The following LRRC27 variants were observed in gnomAD, a reference collection of about 807,000 sequenced individuals.
LRRC27 encodes the protein leucine rich repeat containing 27, also known as leucine-rich repeat-containing protein 27.
A neutral mutation model predicts 55.0 loss-of-function variants in LRRC27; 57 were observed. That is an observed-to-expected ratio of 1.04 (90% CI 0.84 to 1.29). The LOEUF is 1.29. LRRC27 is among the 50% of genes most tolerant of loss of function. The pLI is 0.00. For missense variants in LRRC27, 721 were observed against 651.5 expected (o/e 1.11, Z -1.16); for synonymous variants, 278 against 251.9 (o/e 1.10, Z -0.98).
In LRRC27 at chr10:132,337,695, A is replaced by G. The variant is rs1233112531; in HGVS notation, c.341A>G (p.Gln114Arg). The change falls in exon 3 of 11, where the codon CAG becomes CGG. Residue 114 changes from glutamine to arginine, a missense_variant and splice_region_variant. By Grantham distance (43) the Gln-to-Arg change is conservative. Coordinates refer to ENST00000368614, the MANE Select transcript of LRRC27 (RefSeq NM_030626.3). The part of the protein sequence containing the change: ...KALPSGIGAH[Q>R]HLKTLLLERN... ...CTTCCTTCTGGGATTGGAGCTCACC[A>G]GTAAGTTGTTTATGTTTCCAGATTT... 6.2e-7 allele frequency: 1 copy of G among 1,613,256 alleles called. No individual in the cohort carries two copies. The highest frequency in any genetic ancestry group is 8.5e-7 in the Non-Finnish European group (1 of 1,179,658).
chr10:132,373,287 G>A (rs565856449), intron 10 of LRRC27, among the ~76,000 whole-genome samples: 5 of 152,308 alleles, frequency 3.3e-5, no homozygotes, highest in Admixed American at 2.0e-4. Flanking sequence ...CGAAGCATCC[G>A]GCAGGTTCCG....
chr10:132,343,736 C>G (rs1440567521), intron 4 of LRRC27, among the ~76,000 whole-genome samples: 1 of 152,194 alleles, frequency 6.6e-6, no homozygotes, highest in African/African-American at 2.4e-5. Flanking sequence ...GGTGGGACAC[C>G]CAAATACCCA....
intron 2 of LRRC27, among the ~76,000 whole-genome samples, chr10:132,335,404 C>T (rs74161781): frequency 0.012 from 1,741 of 151,182 alleles, 32 homozygotes; most frequent in African/African-American, 0.04. Flanking sequence ...TCCTGGACTT[C>T]GCCTATTGGT....
chr10:132,344,670 T>C lies in LRRC27; in HGVS notation c.553+20T>C, dbSNP rs1037463102. ...CTCAAGGTTTGTAGGAGGTGATTTA[T>C]GACAAATCACATTAACGTTGAAGTT... On this transcript the variant is annotated intron_variant, in intron 5 of 10. Transcript: ENST00000368614. 22 of 1,609,276 alleles carry C rather than the reference T, an allele frequency of 1.4e-5. No homozygotes were observed. The highest frequency in any genetic ancestry group is 1.7e-5 in the Admixed American group (1 of 59,860).
chr10:132,364,515 A>C (rs1269214351), intron 9 of LRRC27, among the ~76,000 whole-genome samples: 3 of 78,248 alleles, frequency 3.8e-5, no homozygotes, highest in Admixed American at 1.4e-4. Context: ...CTACCTCCAC[A>C]CTCGCACTTA....
At position 132,361,453 on chromosome 10, in the gene LRRC27, C is replaced by A; in HGVS notation, c.1171-4C>A. 1.9e-6 allele frequency: 3 copies of A among 1,600,708 alleles called. No homozygotes were observed. The highest frequency in any genetic ancestry group is 2.6e-6 in the Non-Finnish European group (3 of 1,167,970). ...CCAGAAATCATCTTGTTGCATTTTC[C>A]TAGGTGGCATCAAAGATTCCCTCTG... On this transcript the variant is annotated splice_region_variant and splice_polypyrimidine_tract_variant and intron_variant, in intron 8 of 10. Transcript: ENST00000368614.
chr10:132,330,596 A>C, upstream of LRRC27: 2 of 698,456 alleles, frequency 2.9e-6, no homozygotes, highest in East Asian at 2.7e-5. Context: ...CAGCCTCAAA[A>C]TCCTAGGTTC....
At position 132,333,572 on chromosome 10, in the gene LRRC27, T is replaced by C; in HGVS notation, c.48T>C (p.Asp16=). ...SYEVPSVAAA[D]LEEGAGQTRS... is the part of the protein sequence containing the mutation. The stretch of plus-strand genomic sequence containing the variant: ...AAGTTCCCTCTGTGGCTGCTGCTGA[T>C]CTGGAGGAGGGTGCTGGTCAGACTA... The change falls in exon 2 of 11, where the codon GAT becomes GAC. Residue 16 remains aspartate, a synonymous_variant. Transcript: ENST00000368614. 4 of 1,611,270 alleles carry C rather than the reference T, an allele frequency of 2.5e-6. No individual in the cohort carries two copies.
intron 8 of LRRC27, among the ~76,000 whole-genome samples, chr10:132,360,919 G>A (rs978572192): frequency 6.6e-6 from 1 of 152,194 alleles, no homozygotes. Flanking sequence ...AGGGGTCAGC[G>A]TGGCTCTCAC....
In LRRC27 at chr10:132,352,008, G is replaced by A. The variant is rs550626686; in HGVS notation, c.1073+255G>A. Among the ~76,000 whole-genome samples, 81 of 121,488 alleles carry A rather than the reference G, an allele frequency of 6.7e-4. 1 individual carries two copies. The highest frequency in any genetic ancestry group is 1.1e-3 in the Non-Finnish European group (67 of 59,540). 79.7% of individuals were successfully genotyped at this position (121,488 alleles called of 152,430 possible). A position where few individuals can be genotyped will look rare whatever the true frequency, so the allele number is the denominator to read the frequency against. ...GGGGCAGGCGCAGGTGCAGCGCTCC[G>A]TGTGGGGCAGGCGCTGAGGCCTCCG... On this transcript the variant is annotated intron_variant, in intron 7 of 10. Coordinates refer to ENST00000368614, the MANE Select transcript of LRRC27 (RefSeq NM_030626.3).
At chr10:132,358,714 G>A (rs1353228177) in intron 8 of LRRC27, among the ~76,000 whole-genome samples, 2 of 67,578 alleles carry the variant, frequency 3.0e-5, no homozygotes, top group African/African-American at 4.9e-5. Flanking sequence ...GCAGTGTGGG[G>A]AGGAGCCAAG....
At chr10:132,339,779 G>A (rs1374679526) in intron 3 of LRRC27, among the ~76,000 whole-genome samples, 2 of 152,214 alleles carry the variant, frequency 1.3e-5, no homozygotes, top group Admixed American at 6.5e-5. Flanking sequence ...GCTACTCAGA[G>A]GATGTAAATG....
intron 9 of LRRC27, 112 bp downstream of exon 9, chr10:132,361,687 T>A: frequency 1.3e-6 from 1 of 798,600 alleles, no homozygotes; most frequent in South Asian, 1.5e-5. Flanking sequence ...AACTCCAGGC[T>A]GTGGCGGGCC....
intron 3 of LRRC27, among the ~76,000 whole-genome samples, chr10:132,339,392 G>A (rs1383905000): frequency 6.6e-6 from 1 of 152,254 alleles, no homozygotes; most frequent in Non-Finnish European, 1.5e-5. Context: ...CTGCGAGGAA[G>A]CTGCTTATCT....
intron 5 of LRRC27, among the ~76,000 whole-genome samples, chr10:132,347,712 C>T (rs2067786488): frequency 6.6e-6 from 1 of 151,222 alleles, no homozygotes; most frequent in Admixed American, 6.6e-5. Flanking sequence ...TCAGGTGCGC[C>T]TGGTGGGGCC....
intron 10 of LRRC27, among the ~76,000 whole-genome samples, chr10:132,370,077 A>G (rs1386811531): frequency 6.6e-6 from 1 of 152,208 alleles, no homozygotes; most frequent in Non-Finnish European, 1.5e-5. Flanking sequence ...CTACGGTGAC[A>G]CTGTAAATGG....
Position 132,381,447 on chromosome 10 carries a change from G to A in LRRC27, c.*6205G>A, listed in dbSNP as rs1032487381. Among the ~76,000 whole-genome samples, 4 of 152,200 alleles carry A rather than the reference G, an allele frequency of 2.6e-5. No individual in the cohort carries two copies. In the East Asian group the frequency reaches 7.7e-4, roughly 29 times the overall value. On this transcript the variant is annotated 3_prime_UTR_variant, in exon 11 of 11. Coordinates refer to ENST00000368614, the MANE Select transcript of LRRC27 (RefSeq NM_030626.3). Reference sequence around the variant, plus strand: ...CCCCTCAGTTTGCAGACAGCCTATTGTGGGACTTCACCCTGTGATCCTGTG... The same window carrying A: ...CCCCTCAGTTTGCAGACAGCCTATTATGGGACTTCACCCTGTGATCCTGTG...
intron 8 of LRRC27, among the ~76,000 whole-genome samples, chr10:132,358,528 G>A (rs112550572): frequency 0.18 from 1,959 of 10,926 alleles, 282 homozygotes; most frequent in African/African-American, 0.42. Context: ...AGCCGAGGTG[G>A]TGGAGCAGTG....
rs780963436 is a variant in LRRC27, at chr10:132,337,586, G to A, written c.232G>A (p.Ala78Thr). Residue 78 changes from alanine (A) to threonine (T), a missense_variant, in exon 3 of 11, where the codon GCC becomes ACC. Ala to Thr is a moderately conservative substitution (Grantham distance 58). Coordinates refer to ENST00000368614, the MANE Select transcript of LRRC27 (RefSeq NM_030626.3). ...SLQQLHLQRN[A>T]LCVIPQDFFQ... is the part of the protein sequence containing the mutation. Reference sequence around the variant, plus strand: ...GAAGCAATTGCATCTGCAAAGGAATGCCCTGTGTGTGATTCCTCAAGATTT... The same window carrying A: ...GAAGCAATTGCATCTGCAAAGGAATACCCTGTGTGTGATTCCTCAAGATTT... 7 of 1,614,020 alleles carry A rather than the reference G, an allele frequency of 4.3e-6. No homozygotes were observed. The highest frequency in any genetic ancestry group is 5.1e-6 in the Non-Finnish European group (6 of 1,180,014).
Sources: allele counts gnomAD v4.1 joint callset (sites outside exome capture counted in the v4.1 genomes callset), GRCh38; gene constraint gnomAD v4.1.1; transcripts MANE v1.5; gene names NCBI Gene and HGNC (gene_info 2026-07-23, HGNC 2026-07-21).